The following CNTNAP4 variants were observed in gnomAD, a reference collection of about 807,000 sequenced individuals.
CNTNAP4 encodes the protein contactin-associated protein-like 4.
In CNTNAP4, 98 loss-of-function variants were observed where a neutral mutation model predicts 148.4. The observed-to-expected ratio is 0.66, with a 90% CI of 0.56 to 0.78. The LOEUF (loss-of-function observed/expected upper bound fraction) is 0.78, where lower values mean the gene tolerates loss of function less well. Ranked by LOEUF, CNTNAP4 falls within the 30% of genes least tolerant of loss-of-function variation. The pLI, the probability that CNTNAP4 is intolerant of heterozygous loss-of-function variation, is 0.00. For missense variants in CNTNAP4, 1,935 were observed against 1,565.6 expected, an observed-to-expected ratio of 1.24 and a Z score of -3.98; for synonymous variants, 730 against 565.1, an observed-to-expected ratio of 1.29 and a Z score of -4.14.
At chr16:76,417,104 A>G (rs1350163249) in intron 3 of CNTNAP4, among the ~76,000 whole-genome samples, 1 of 151,498 alleles carries the variant, frequency 6.6e-6, no homozygotes, top group Non-Finnish European at 1.5e-5. Context: ...GTTAGTCTAT[A>G]TTTAATGTGG....
At chr16:76,326,799 TGGGGTG>T (rs1007051449) in intron 2 of CNTNAP4, among the ~76,000 whole-genome samples, 6 of 26,386 alleles carry the variant, frequency 2.3e-4, no homozygotes, top group African/African-American at 1.0e-3. Flanking sequence ...GGGCCTGTTG[TGGGGTG>T]GGGGTGGGGG....
rs7184958 is a variant in CNTNAP4, at chr16:76,553,434, T to C, written c.3594T>C (p.Thr1198=). The change falls in exon 22 of 24, where the codon ACT becomes ACC. Residue 1198 remains threonine (T), a synonymous_variant. Transcript: ENST00000611870. ...CTGTCACTGTTACAGGACACGTGAC[T>C]GAGTCCAGCTGTATGGCCCAGCCTG... ...PDPVTVTGHV[T]ESSCMAQPGT... 479,751 of 1,611,034 alleles carry C rather than the reference T, an allele frequency of 0.3. 72,590 individuals carry two copies. Among genetic ancestry groups the C allele is most frequent in the South Asian group, 0.36 (32,560 of 90,574 alleles).
At position 76,538,147 on chromosome 16, in the gene CNTNAP4, C is replaced by T. The variant is rs756046328; in HGVS notation, c.3027C>T (p.Ser1009=). Residue 1009 remains serine (S), a synonymous_variant, in exon 19 of 24, where the codon TCC becomes TCT. Transcript: ENST00000611870. ...EISAYFGSGS[S]VIYNFQENYL... is the part of the protein sequence containing the mutation. ...CTGCATATTTTGGATCTGGCTCATCCGTGATATACAATTTTCAAGAAAATT... is the reference window on the plus strand; with the variant it reads ...CTGCATATTTTGGATCTGGCTCATCTGTGATATACAATTTTCAAGAAAATT... 8.9e-6 allele frequency: 14 copies of T among 1,564,400 alleles called. No individual in the cohort carries two copies. The South Asian group carries it at 1.2e-4, about 14-fold the overall frequency.
chr16:76,476,837 G>A (rs1392162488), intron 11 of CNTNAP4, among the ~76,000 whole-genome samples: 2 of 152,106 alleles, frequency 1.3e-5, no homozygotes, highest in African/African-American at 2.4e-5. Flanking sequence ...CACGTTTTGA[G>A]GGGACACAAA....
chr16:76,359,846 A>G (rs936303964), intron 3 of CNTNAP4, among the ~76,000 whole-genome samples: 90 of 152,188 alleles, frequency 5.9e-4, no homozygotes, highest in African/African-American at 2.1e-3. Context: ...ATAAGGTATA[A>G]TTTTCACTCA....
intron 3 of CNTNAP4, among the ~76,000 whole-genome samples, chr16:76,362,963 C>A (rs1374833646): frequency 1.3e-5 from 2 of 151,772 alleles, no homozygotes; most frequent in African/African-American, 4.8e-5. Flanking sequence ...GCAGCTTATA[C>A]CTGTAATCCC....
At chr16:76,438,183 G>A (rs901098910) in intron 4 of CNTNAP4, among the ~76,000 whole-genome samples, 4 of 152,050 alleles carry the variant, frequency 2.6e-5, no homozygotes, top group South Asian at 2.1e-4. Context: ...GGAATATTTA[G>A]AAGAAGATCA....
chr16:76,525,564 A>G (rs1423450106), intron 17 of CNTNAP4, among the ~76,000 whole-genome samples: 1 of 147,110 alleles, frequency 6.8e-6, no homozygotes, highest in Non-Finnish European at 1.5e-5. Flanking sequence ...GCCAATAAAA[A>G]AGAACTATTT....
intron 3 of CNTNAP4, among the ~76,000 whole-genome samples, chr16:76,388,098 C>G (rs941200954): frequency 6.6e-6 from 1 of 152,170 alleles, no homozygotes; most frequent in African/African-American, 2.4e-5. Context: ...ACATGAAAAT[C>G]ACCCTTAAGT....
At chr16:76,326,134 C>G (rs768817906) in intron 2 of CNTNAP4, among the ~76,000 whole-genome samples, 1 of 151,884 alleles carries the variant, frequency 6.6e-6, no homozygotes, top group Non-Finnish European at 1.5e-5. Flanking sequence ...AGGAGGCCAG[C>G]ATAACCTTGA....
chr16:76,473,348 A>G (rs556004283), intron 10 of CNTNAP4, among the ~76,000 whole-genome samples: 2 of 152,162 alleles, frequency 1.3e-5, no homozygotes, highest in African/African-American at 4.8e-5. Context: ...TGTCAGTGAC[A>G]TTTCTTTTTT....
intron 21 of CNTNAP4, among the ~76,000 whole-genome samples, chr16:76,541,845 T>C (rs1166045541): frequency 6.6e-6 from 1 of 152,218 alleles, no homozygotes; most frequent in African/African-American, 2.4e-5. Context: ...GTTCTTCCAT[T>C]ATCTATAGTG....
chr16:76,468,652 T>G (rs2081261480), intron 10 of CNTNAP4, among the ~76,000 whole-genome samples: 2 of 151,886 alleles, frequency 1.3e-5, no homozygotes, highest in South Asian at 4.2e-4. Flanking sequence ...GCCTAGCTAA[T>G]TTTTGTATTT....
At chr16:76,392,359 A>G (rs2078054077) in intron 3 of CNTNAP4, among the ~76,000 whole-genome samples, 1 of 152,206 alleles carries the variant, frequency 6.6e-6, no homozygotes, top group Admixed American at 6.5e-5. Flanking sequence ...CACACCCCAA[A>G]GAAAAACCAA....
intron 1 of CNTNAP4, among the ~76,000 whole-genome samples, chr16:76,302,069 G>A (rs545490335): frequency 3.9e-5 from 6 of 152,126 alleles, no homozygotes; most frequent in East Asian, 1.9e-4. Flanking sequence ...AGAAACAACC[G>A]AAGCGACCAT....
chr16:76,487,514 C>A (rs1378039672), intron 12 of CNTNAP4, among the ~76,000 whole-genome samples: 1 of 152,184 alleles, frequency 6.6e-6, no homozygotes, highest in Admixed American at 6.5e-5. Context: ...TCAATCATGT[C>A]TGAAAGAACA....
chr16:76,512,088 G>A (rs1206884561), intron 15 of CNTNAP4, among the ~76,000 whole-genome samples: 1 of 152,090 alleles, frequency 6.6e-6, no homozygotes, highest in Non-Finnish European at 1.5e-5. Flanking sequence ...CACAGAAATG[G>A]GGTGTAGATG....
chr16:76,550,499 G>T (rs1438507101), intron 21 of CNTNAP4, among the ~76,000 whole-genome samples: 1 of 152,120 alleles, frequency 6.6e-6, no homozygotes, highest in Non-Finnish European at 1.5e-5. Context: ...TACCAGAGAA[G>T]TAAATCTTGT....
At chr16:76,354,664 T>C (rs376240430) in intron 2 of CNTNAP4, among the ~76,000 whole-genome samples, 33 of 152,288 alleles carry the variant, frequency 2.2e-4, no homozygotes, top group African/African-American at 7.7e-4. Context: ...AATTTAATGA[T>C]TGTCTCTCAC....
Sources: allele counts gnomAD v4.1 joint callset (sites outside exome capture counted in the v4.1 genomes callset), GRCh38; gene constraint gnomAD v4.1.1; transcripts MANE v1.5; gene names NCBI Gene and HGNC (gene_info 2026-07-23, HGNC 2026-07-21).